CASK: variants seen among roughly 807,000 people sequenced by gnomAD.
CASK encodes peripheral plasma membrane protein CASK.
CASK carries 4 observed loss-of-function variants against 82.9 expected under a neutral mutation model. The observed-to-expected ratio is 0.05, with a 90% CI of 0.02 to 0.11. The LOEUF is 0.11. Ranked by LOEUF, CASK falls within the 10% of genes least tolerant of loss-of-function variation. The probability of loss-of-function intolerance (pLI) is 1.00; values close to 1 mark genes in which losing one functional copy is unlikely to be tolerated. For missense variants in CASK, 358 were observed against 720.9 expected (o/e 0.50, Z 5.76); for synonymous variants, 259 against 253.5 (o/e 1.02, Z -0.20).
chrX:41,550,824 T>C (rs3013115), intron 21 of CASK, among the ~76,000 whole-genome samples: 50,177 of 109,476 alleles, frequency 0.46, 8,649 homozygotes, highest in East Asian at 0.85. Context: ...GGTGGGTGGA[T>C]TGCTTGGGTC....
intron 6 of CASK, among the ~76,000 whole-genome samples, chrX:41,666,632 C>T (rs773072984): frequency 5.4e-5 from 6 of 111,721 alleles, no homozygotes; most frequent in Non-Finnish European, 1.1e-4. Flanking sequence ...GAGCTCTTAG[C>T]TTGTGTATCA....
intron 8 of CASK, among the ~76,000 whole-genome samples, chrX:41,638,330 T>G (rs1464424165): frequency 2.7e-5 from 3 of 110,686 alleles, no homozygotes; most frequent in East Asian, 5.7e-4. Flanking sequence ...TTTGGGAGGC[T>G]GAGATGGGAG....
At chrX:41,536,167 G>A (rs1389405229) in intron 22 of CASK, among the ~76,000 whole-genome samples, 1 of 111,118 alleles carries the variant, frequency 9.0e-6, no homozygotes, top group African/African-American at 3.3e-5. Flanking sequence ...ACCCAGGCTG[G>A]AGTGCAGTGG....
chrX:41,836,201 A>G (rs1325451464), intron 2 of CASK, among the ~76,000 whole-genome samples: 1 of 112,008 alleles, frequency 8.9e-6, no homozygotes, highest in East Asian at 2.8e-4. Context: ...TATTTGCTTT[A>G]AAAGTGAAGA....
At chrX:41,712,629 C>T (rs2067996630) in intron 5 of CASK, among the ~76,000 whole-genome samples, 1 of 112,604 alleles carries the variant, frequency 8.9e-6, no homozygotes, top group Admixed American at 9.4e-5. Flanking sequence ...TAAATAATAG[C>T]CCTTCCCAAA....
At chrX:41,751,922 T>A (rs2068797634) in intron 3 of CASK, among the ~76,000 whole-genome samples, 1 of 109,275 alleles carries the variant, frequency 9.2e-6, no homozygotes, top group African/African-American at 3.3e-5. Flanking sequence ...GGTACACACC[T>A]GTGGTCCCAG....
intron 25 of CASK, 110 bp downstream of exon 25, chrX:41,530,897 T>G (rs776933755): frequency 6.0e-4 from 425 of 706,978 alleles, no homozygotes; most frequent in Non-Finnish European, 8.3e-4. Context: ...TTCTGTGGTT[T>G]ATGAAATTAT....
At chrX:41,707,948 T>C (rs1351851336) in intron 5 of CASK, among the ~76,000 whole-genome samples, 1 of 110,636 alleles carries the variant, frequency 9.0e-6, no homozygotes, top group African/African-American at 3.3e-5. Context: ...TGAAATCCTG[T>C]CTCTACTAAA....
intron 8 of CASK, 35 bp from the exon 9 acceptor site, chrX:41,636,696 C>T: frequency 2.1e-6 from 2 of 936,167 alleles, no homozygotes; most frequent in Admixed American, 2.2e-5. Context: ...CATATATAAC[C>T]GTTTAAAAAA....
intron 2 of CASK, among the ~76,000 whole-genome samples, chrX:41,837,295 C>T (rs1352703771): frequency 1.8e-5 from 2 of 111,978 alleles, no homozygotes; most frequent in Admixed American, 1.9e-4. Flanking sequence ...ATTGATACAA[C>T]CAACAGACTT....
At chrX:41,654,260 T>C (rs895243419) in intron 8 of CASK, among the ~76,000 whole-genome samples, 3 of 111,474 alleles carry the variant, frequency 2.7e-5, no homozygotes, top group African/African-American at 9.8e-5. Flanking sequence ...TAAATGGTTA[T>C]TAATAAATAA....
intron 2 of CASK, among the ~76,000 whole-genome samples, chrX:41,839,798 G>A (rs1357707633): frequency 8.9e-6 from 1 of 111,752 alleles, no homozygotes; most frequent in Non-Finnish European, 1.9e-5. Flanking sequence ...TATTCAAGTG[G>A]ATGTCCAGTT....
intron 8 of CASK, among the ~76,000 whole-genome samples, chrX:41,646,659 A>C (rs2066763461): frequency 8.9e-6 from 1 of 111,917 alleles, no homozygotes; most frequent in African/African-American, 3.2e-5. Context: ...CTCAGTATCA[A>C]CGTAGACCCA....
intron 1 of CASK, among the ~76,000 whole-genome samples, chrX:41,918,905 G>A (rs976525006): frequency 6.3e-5 from 7 of 111,838 alleles, no homozygotes; most frequent in East Asian, 2.8e-4. Context: ...CCAGAAACTC[G>A]GACTTCACTG....
intron 2 of CASK, among the ~76,000 whole-genome samples, chrX:41,787,787 CAA>C (rs2069642537): frequency 9.0e-6 from 1 of 111,041 alleles, no homozygotes; most frequent in Non-Finnish European, 1.9e-5. Flanking sequence ...GAATAGGGAA[CAA>C]AAAATAGTAT....
intron 5 of CASK, chrX:41,683,325 G>A (rs938412504): frequency 1.8e-5 from 2 of 111,082 alleles, no homozygotes; most frequent in African/African-American, 3.3e-5. Context: ...CCCCCCTCCC[G>A]GGAGATCATA....
intron 2 of CASK, among the ~76,000 whole-genome samples, chrX:41,803,758 G>A (rs1314119600): frequency 9.0e-6 from 1 of 111,569 alleles, no homozygotes; most frequent in Admixed American, 9.5e-5. Flanking sequence ...AAGTGGGGTG[G>A]GAGGGTAGCA....
chrX:41,903,878 T>C lies in CASK; in HGVS notation c.59+19052A>G, dbSNP rs1048489374. Among the ~76,000 whole-genome samples, 33 of 112,323 alleles carry C rather than the reference T, an allele frequency of 2.9e-4. No homozygotes were observed. In the Admixed American group the frequency reaches 3.0e-3, roughly 10 times the overall value. On this transcript the variant is annotated intron_variant, in intron 1 of 26. Transcript: ENST00000378163. ...ACTGAATTTTTAAAAATAACATTTATTGAGATATAATTCATACCATAAAAT... is the reference window on the plus strand; with the variant it reads ...ACTGAATTTTTAAAAATAACATTTACTGAGATATAATTCATACCATAAAAT...
intron 2 of CASK, among the ~76,000 whole-genome samples, chrX:41,832,976 T>C (rs2070853205): frequency 9.0e-6 from 1 of 111,455 alleles, no homozygotes; most frequent in African/African-American, 3.3e-5. Context: ...TAAGTAGACA[T>C]AGAAAAGGGA....
Sources: gnomAD v4.1 joint callset for allele counts (sites outside exome capture counted in the v4.1 genomes callset) on GRCh38, gnomAD v4.1.1 for gene constraint, MANE v1.5 for transcripts, NCBI Gene and HGNC (gene_info 2026-07-23, HGNC 2026-07-21) for gene names.